The following PSEN1 variants were observed in gnomAD, a reference collection of about 807,000 sequenced individuals.
PSEN1 encodes the protein presenilin 1.
Under a neutral mutation model 53.5 loss-of-function variants are expected in PSEN1, and 15 were observed. That is an observed-to-expected ratio of 0.28 (90% CI 0.19 to 0.43). PSEN1 has a LOEUF of 0.43. Among genes scored for constraint, PSEN1 ranks in the 20% least tolerant of loss-of-function variants. PSEN1 has a pLI of 1.00. For missense variants in PSEN1, 387 were observed against 571.2 expected (o/e 0.68, Z 3.29); for synonymous variants, 208 against 209.8 (o/e 0.99, Z 0.08).
intron 7 of PSEN1, among the ~76,000 whole-genome samples, chr14:73,196,897 T>C (rs1177197266): frequency 6.6e-6 from 1 of 151,914 alleles, no homozygotes; most frequent in Non-Finnish European, 1.5e-5. Flanking sequence ...AAATTATTTT[T>C]ATATTTTTAT....
chr14:73,200,842 G>T (rs1428500394), intron 8 of PSEN1, among the ~76,000 whole-genome samples: 3 of 152,020 alleles, frequency 2.0e-5, no homozygotes, highest in African/African-American at 7.2e-5. Flanking sequence ...CTTGAGGTCA[G>T]GAGTTTGAAA....
chr14:73,204,498 A>G (rs1033037189), intron 8 of PSEN1, among the ~76,000 whole-genome samples: 13 of 151,360 alleles, frequency 8.6e-5, no homozygotes, highest in African/African-American at 3.2e-4. Flanking sequence ...GTTTTTGTAC[A>G]GCTTATAAGC....
intron 3 of PSEN1, among the ~76,000 whole-genome samples, chr14:73,156,657 A>G (rs1897363252): frequency 6.6e-6 from 1 of 151,752 alleles, no homozygotes; most frequent in Admixed American, 6.6e-5. Flanking sequence ...TCCATAATAA[A>G]AAGTTTTGTT....
At chr14:73,167,366 T>C (rs1897748725) in intron 3 of PSEN1, among the ~76,000 whole-genome samples, 1 of 152,234 alleles carries the variant, frequency 6.6e-6, no homozygotes, top group African/African-American at 2.4e-5. Context: ...TGGAGTGTTT[T>C]AGATTTTGGA....
chr14:73,219,267 C>T lies in PSEN1; in HGVS notation c.1382C>T (p.Ala461Val), dbSNP rs1235843749. Residue 461 changes from alanine (A) to valine (V), a missense_variant, in exon 12 of 12, where the codon GCA (alanine) becomes GTA (valine). Around this residue, in one of 4 missense-constraint regions of PSEN1, gnomAD observed 44 missense variants for 106.3 expected, o/e 0.41. Transcript: ENST00000324501. The part of the protein sequence containing the change: ...YLVQPFMDQL[A>V]FHQFYI The stretch of plus-strand genomic sequence containing the variant: ...GTACAGCCTTTTATGGACCAATTAG[C>T]ATTCCATCAATTTTATATCTAGCAT... 6.8e-6 allele frequency: 11 copies of T among 1,613,458 alleles called. No individual in the cohort carries two copies. The highest frequency in any genetic ancestry group is 3.3e-5 in the Admixed American group (2 of 59,992).
chr14:73,192,968 A>C, intron 7 of PSEN1, 104 bp downstream of exon 7: 2 of 879,508 alleles, frequency 2.3e-6, no homozygotes, highest in South Asian at 2.7e-5. Flanking sequence ...TAACGTGTAC[A>C]TCCCATAACT....
At chr14:73,190,459 G>A (rs190822666) in intron 6 of PSEN1, among the ~76,000 whole-genome samples, 2 of 149,822 alleles carry the variant, frequency 1.3e-5, no homozygotes, top group East Asian at 3.9e-4. Context: ...CTCTATCCAG[G>A]GTGACAGTCA....
intron 9 of PSEN1, chr14:73,208,738 G>C (rs1402097273): frequency 2.4e-6 from 1 of 425,344 alleles, no homozygotes; most frequent in Non-Finnish European, 4.7e-6. Flanking sequence ...ACTGTGGTCT[G>C]TGGAACTGGG....
intron 1 of PSEN1, among the ~76,000 whole-genome samples, chr14:73,144,533 G>A (rs1329487327): frequency 1.3e-5 from 2 of 152,038 alleles, no homozygotes; most frequent in South Asian, 4.1e-4. Context: ...AAACTCCTAC[G>A]GGGCAGGTTT....
intron 3 of PSEN1, among the ~76,000 whole-genome samples, chr14:73,151,496 G>A (rs1414650858): frequency 6.6e-6 from 1 of 152,122 alleles, no homozygotes; most frequent in African/African-American, 2.4e-5. Flanking sequence ...AAAAGCATGG[G>A]TGATCTTGGT....
chr14:73,147,742 G>A (rs760611656), intron 1 of PSEN1, 53 bp from the exon 2 acceptor site: 16 of 441,760 alleles, frequency 3.6e-5, no homozygotes, highest in Non-Finnish European at 5.9e-5. Context: ...TGGTTTAAAT[G>A]AATTTACTAG....
At chr14:73,201,262 A>T (rs1899175804) in intron 8 of PSEN1, among the ~76,000 whole-genome samples, 1 of 151,792 alleles carries the variant, frequency 6.6e-6, no homozygotes, top group South Asian at 2.1e-4. Context: ...TAATTTTTGT[A>T]TTTTTAGTAG....
chr14:73,191,907 A>G (rs1898733011), intron 6 of PSEN1, among the ~76,000 whole-genome samples: 1 of 152,192 alleles, frequency 6.6e-6, no homozygotes, highest in South Asian at 2.1e-4. Flanking sequence ...TGTCCTAGCT[A>G]TAAAATTTGT....
At chr14:73,175,187 C>T (rs1285594746) in intron 5 of PSEN1, among the ~76,000 whole-genome samples, 5 of 152,194 alleles carry the variant, frequency 3.3e-5, no homozygotes, top group Admixed American at 1.3e-4. Context: ...AGTGTGACAG[C>T]GCGATCTTGG....
chr14:73,145,039 C>T (rs1443723430), intron 1 of PSEN1, among the ~76,000 whole-genome samples: 3 of 152,032 alleles, frequency 2.0e-5, no homozygotes, highest in African/African-American at 4.8e-5. Context: ...ATTACAGGCA[C>T]GAGCTACCAT....
At chr14:73,197,624 T>C (rs1362796487) in intron 7 of PSEN1, 2 of 189,588 alleles carry the variant, frequency 1.1e-5, no homozygotes, top group Admixed American at 5.5e-5. Flanking sequence ...TTTTAATTTG[T>C]AGTTCATATC....
intron 1 of PSEN1, among the ~76,000 whole-genome samples, chr14:73,138,311 C>T (rs942423358): frequency 3.9e-4 from 59 of 151,414 alleles, no homozygotes; most frequent in African/African-American, 1.2e-3. Flanking sequence ...CTCCGCCTCC[C>T]GGGTTCACGC....
intron 9 of PSEN1, among the ~76,000 whole-genome samples, chr14:73,211,005 A>G (rs1182699415): frequency 6.6e-6 from 1 of 152,142 alleles, no homozygotes; most frequent in Non-Finnish European, 1.5e-5. Context: ...TCCTTTCCCA[A>G]TCCACCCTCC....
intron 5 of PSEN1, among the ~76,000 whole-genome samples, chr14:73,179,001 C>T (rs1419426140): frequency 6.6e-6 from 1 of 152,130 alleles, no homozygotes; most frequent in African/African-American, 2.4e-5. Flanking sequence ...TACTCACTCA[C>T]CTTGGGAATG....
Sources: allele counts gnomAD v4.1 joint callset (sites outside exome capture counted in the v4.1 genomes callset), GRCh38; gene constraint gnomAD v4.1.1; regional missense constraint gnomAD v4.1.1; transcripts MANE v1.5; gene names NCBI Gene and HGNC (gene_info 2026-07-23, HGNC 2026-07-21).